Variants in INPP5D observed in about 807,000 individuals in gnomAD.
The protein encoded by INPP5D is inositol polyphosphate-5-phosphatase D, also known as phosphatidylinositol 3,4,5-trisphosphate 5-phosphatase 1.
INPP5D carries 33 observed loss-of-function variants against 122.9 expected under a neutral mutation model. The observed-to-expected ratio is 0.27, with a 90% CI of 0.20 to 0.36. The LOEUF (loss-of-function observed/expected upper bound fraction) is 0.36, where lower values mean the gene tolerates loss of function less well. INPP5D is among the 10% of genes least tolerant of loss of function. INPP5D has a pLI of 1.00. For missense variants in INPP5D, 1,053 were observed against 1,412.7 expected (o/e 0.75, Z 4.08); for synonymous variants, 584 against 576.2 (o/e 1.01, Z -0.19).
chr2:233,115,461 T>C (rs1178265313), intron 2 of INPP5D, among the ~76,000 whole-genome samples: 1 of 152,206 alleles, frequency 6.6e-6, no homozygotes, highest in African/African-American at 2.4e-5. Context: ...GCCCAGGAAC[T>C]GTTTCTGGAA....
At chr2:233,147,394 C>T in intron 8 of INPP5D, 77 bp from the exon 9 acceptor site, 16 of 689,154 alleles carry the variant, frequency 2.3e-5, no homozygotes, top group South Asian at 2.3e-4. Flanking sequence ...GCCATGTAGA[C>T]AAGGGGTTCG....
At position 233,188,648 on chromosome 2, in the gene INPP5D, G is replaced by A. The variant is rs1353288458; in HGVS notation, c.2359-1202G>A. Among the ~76,000 whole-genome samples the A allele has an allele frequency of 3.3e-5, 5 of 152,106 alleles. No homozygotes were observed. In the East Asian group the frequency reaches 9.6e-4, roughly 29 times the overall value. Reference sequence around the variant, plus strand: ...GCCATCTCGGCTCACTGCAACCTCCGCCTCCAAGGTTCAAGCGATTTGCCT... The same window carrying A: ...GCCATCTCGGCTCACTGCAACCTCCACCTCCAAGGTTCAAGCGATTTGCCT... On this transcript the variant is annotated intron_variant, in intron 21 of 26. Transcript: ENST00000445964. The surrounding 1 kb of genome is among the most constrained non-coding windows in gnomAD (Gnocchi z 4.7).
At chr2:233,061,779 G>GC (rs1301674794) in intron 1 of INPP5D, among the ~76,000 whole-genome samples, 5 of 152,190 alleles carry the variant, frequency 3.3e-5, no homozygotes, top group Non-Finnish European at 1.5e-5. Flanking sequence ...ACGGCCATCT[G>GC]CCCCCAGAGG....
intron 6 of INPP5D, chr2:233,145,396 G>T: frequency 2.2e-6 from 1 of 448,656 alleles, no homozygotes; most frequent in Non-Finnish European, 4.5e-6. Context: ...CAGTCCTCTT[G>T]ATCTCCATTC....
At chr2:233,150,214 G>C (rs528709872) in intron 9 of INPP5D, among the ~76,000 whole-genome samples, 1 of 152,184 alleles carries the variant, frequency 6.6e-6, no homozygotes, top group South Asian at 2.1e-4. Context: ...GGGAAGGACC[G>C]GGTGGGGAGG....
In INPP5D at chr2:233,078,485, G is replaced by T. The variant is rs185684155; in HGVS notation, c.135-850G>T. Among the ~76,000 whole-genome samples the T allele has an allele frequency of 1.7e-3, 257 of 152,284 alleles. 1 individual carries two copies. The highest frequency in any genetic ancestry group is 5.9e-3 in the African/African-American group (245 of 41,556). On this transcript the variant is annotated intron_variant, in intron 1 of 26. Transcript: ENST00000445964. The surrounding 1 kb of genome is among the most constrained non-coding windows in gnomAD (Gnocchi z 4.6). ...CAACCCCTGGGAGATAATCCACGGG[G>T]CATAGTGTCCAAGAGGATGAAGCCA...
intron 2 of INPP5D, among the ~76,000 whole-genome samples, chr2:233,094,485 C>A (rs1692076370): frequency 1.2e-5 from 1 of 86,486 alleles, no homozygotes; most frequent in Non-Finnish European, 2.2e-5. Flanking sequence ...TGCACTCCAG[C>A]TTGGGCAATA....
At position 233,123,583 on chromosome 2, in the gene INPP5D, G is replaced by A. The variant is rs117684731; in HGVS notation, c.349+1326G>A. Among the ~76,000 whole-genome samples, 35 of 152,332 alleles carry A rather than the reference G, an allele frequency of 2.3e-4. No homozygotes were observed. In the East Asian group the frequency reaches 6.6e-3, roughly 29 times the overall value. Reference sequence around the variant, plus strand: ...AGTCTTGCAGAGAAGGAGCTTACCTGGGGATGCCCCACTTTTCCCCTCAAG... The same window carrying A: ...AGTCTTGCAGAGAAGGAGCTTACCTAGGGATGCCCCACTTTTCCCCTCAAG... On this transcript the variant is annotated intron_variant, in intron 3 of 26. Transcript: ENST00000445964.
chr2:233,170,324 C>A lies in INPP5D; in HGVS notation c.1791+160C>A. The A allele has an allele frequency of 1.4e-6, 2 of 1,477,586 alleles. No homozygotes were observed. The highest frequency in any genetic ancestry group is 1.4e-5 in the South Asian group (1 of 73,550). 91.5% of individuals were successfully genotyped at this position (1,477,586 alleles called of 1,614,324 possible). On this transcript the variant is annotated intron_variant, in intron 15 of 26. Coordinates refer to ENST00000445964, the MANE Select transcript of INPP5D (RefSeq NM_001017915.3). This position sits in a 1 kb window ranked among gnomAD's most constrained non-coding sequence, Gnocchi z 4.5. ...GCTGTTTCCATTACTGAGCCTCAGC[C>A]GCTCCTCACGGTTCCCCTGTGCTCA...
chr2:233,125,777 C>A lies in INPP5D; in HGVS notation c.382C>A (p.Pro128Thr). ...ESVVSPPELP[P>T]RNIPLTASSC... ...TGTCGTGTCTCCACCCGAGCTGCCCCCAAGAAACATCCCGCTGACTGCCAG... is the reference window on the plus strand; with the variant it reads ...TGTCGTGTCTCCACCCGAGCTGCCCACAAGAAACATCCCGCTGACTGCCAG... Residue 128 changes from proline (P) to threonine (T), a missense_variant, in exon 4 of 27, where the codon CCA (proline) becomes ACA (threonine). Pro to Thr is a conservative substitution (Grantham distance 38, BLOSUM62 -1). Around this residue, in one of 6 missense-constraint regions of INPP5D, gnomAD observed 196 missense variants for 175.6 expected, o/e 1.12. Transcript: ENST00000445964. The A allele has an allele frequency of 6.2e-7, 1 of 1,613,838 alleles. No homozygotes were observed. The highest frequency in any genetic ancestry group is 8.5e-7 in the Non-Finnish European group (1 of 1,179,802).
At chr2:233,137,913 C>T (rs1316626733) in intron 5 of INPP5D, among the ~76,000 whole-genome samples, 1 of 74,210 alleles carries the variant, frequency 1.3e-5, no homozygotes, top group Admixed American at 1.7e-4. Flanking sequence ...CACACACACA[C>T]ATACACATAA....
chr2:233,103,896 G>C (rs775851671), intron 2 of INPP5D, among the ~76,000 whole-genome samples: 1 of 150,472 alleles, frequency 6.6e-6, no homozygotes, highest in Non-Finnish European at 1.5e-5. Context: ...TAGTAGAGAT[G>C]GGGTTTCACC....
intron 2 of INPP5D, among the ~76,000 whole-genome samples, chr2:233,083,339 G>C (rs1351115134): frequency 1.3e-5 from 2 of 152,208 alleles, no homozygotes; most frequent in Non-Finnish European, 2.9e-5. Flanking sequence ...TGCTCTTTGG[G>C]CTATGGGCTT....
At chr2:233,062,431 A>G (rs1343178893) in intron 1 of INPP5D, among the ~76,000 whole-genome samples, 2 of 152,222 alleles carry the variant, frequency 1.3e-5, no homozygotes, top group Non-Finnish European at 2.9e-5. Flanking sequence ...GGAGGTAGAC[A>G]GAGGGCAGAG....
chr2:233,139,945 G>A lies in INPP5D; in HGVS notation c.753+16G>A. 7.5e-6 allele frequency: 3 copies of A among 398,492 alleles called. No individual in the cohort carries two copies. The highest frequency in any genetic ancestry group is 1.3e-5 in the Non-Finnish European group (3 of 226,028). The allele number at this position is 398,492 out of a possible 1,614,324, so 24.7% of individuals were successfully genotyped here. On this transcript the variant is annotated intron_variant, in intron 6 of 26. Transcript: ENST00000445964. ...ACGTCCTCAGGTAAAGGGTCTTGGG[G>A]TTGAAAAGGTGAGATTAATACCCCA...
At chr2:233,145,425 G>A (rs1693732591) in intron 6 of INPP5D, 2 of 437,984 alleles carry the variant, frequency 4.6e-6, no homozygotes, top group Non-Finnish European at 9.3e-6. Flanking sequence ...CCTCCATTCA[G>A]CAGGGAAGAC....
At chr2:233,087,288 G>A (rs1381582299) in intron 2 of INPP5D, among the ~76,000 whole-genome samples, 1 of 151,830 alleles carries the variant, frequency 6.6e-6, no homozygotes, top group Admixed American at 6.6e-5. Context: ...TTTCTTTGTG[G>A]CACTTGTGAC....
chr2:233,201,533 G>A (rs1695342091), intron 25 of INPP5D, among the ~76,000 whole-genome samples: 1 of 152,224 alleles, frequency 6.6e-6, no homozygotes, highest in Non-Finnish European at 1.5e-5. Flanking sequence ...CCTTTCCGCT[G>A]CTCCAGGTCC....
At chr2:233,081,335 T>A (rs192981756) in intron 2 of INPP5D, among the ~76,000 whole-genome samples, 9 of 152,312 alleles carry the variant, frequency 5.9e-5, no homozygotes, top group Admixed American at 5.9e-4. Context: ...GCATCTGTGA[T>A]AGGTGGTTTG....
Sources: gnomAD v4.1 joint callset for allele counts (sites outside exome capture counted in the v4.1 genomes callset) on GRCh38, gnomAD v4.1.1 for gene constraint, gnomAD v4.1.1 regional missense constraint, Gnocchi (gnomAD v3.1) non-coding constraint, MANE v1.5 for transcripts, NCBI Gene and HGNC (gene_info 2026-07-23, HGNC 2026-07-21) for gene names.